The following ARHGAP35 variants were observed in gnomAD, a reference collection of about 807,000 sequenced individuals.
ARHGAP35 encodes rho GTPase-activating protein 35.
ARHGAP35 carries 15 observed loss-of-function variants against 111.1 expected under a neutral mutation model. The observed-to-expected ratio is 0.13, with a 90% confidence interval of 0.09 to 0.21. The LOEUF is 0.21. Ranked by LOEUF, ARHGAP35 falls within the 10% of genes least tolerant of loss-of-function variation. The probability of loss-of-function intolerance (pLI) is 1.00; values close to 1 mark genes in which losing one functional copy is unlikely to be tolerated. For missense variants in ARHGAP35, 1,262 were observed against 1,873.0 expected, an observed-to-expected ratio of 0.67 and a Z score of 6.02; for synonymous variants, 643 against 710.3, an observed-to-expected ratio of 0.91 and a Z score of 1.51.
chr19:46,961,277 GCTAT>G (rs2056481044), intron 3 of ARHGAP35, among the ~76,000 whole-genome samples: 1 of 152,108 alleles, frequency 6.6e-6, no homozygotes. Context: ...TACTGCATTG[GCTAT>G]CTATACATGT....
intron 1 of ARHGAP35, among the ~76,000 whole-genome samples, chr19:46,906,230 G>T (rs1387345562): frequency 6.6e-6 from 1 of 152,104 alleles, no homozygotes; most frequent in Non-Finnish European, 1.5e-5. Context: ...GATTGCTTGA[G>T]CCCAGGAGAT....
At chr19:46,885,528 C>T (rs577390475) in intron 1 of ARHGAP35, among the ~76,000 whole-genome samples, 9 of 152,216 alleles carry the variant, frequency 5.9e-5, no homozygotes, top group South Asian at 2.1e-4. Context: ...GCCCACCTCC[C>T]TCCTCTCTCT....
rs1459572382 is a variant in ARHGAP35 at position 46,919,902 on chromosome 19, C to T, written c.1227C>T (p.Thr409=). The change falls in exon 2 of 7, where the codon ACC becomes ACT. Residue 409 remains threonine (T), a synonymous_variant. Coordinates refer to ENST00000672722, the MANE Select transcript of ARHGAP35 (RefSeq NM_004491.5). This position sits in a 1 kb window ranked among gnomAD's most constrained non-coding sequence, Gnocchi z 6.2. ...GGATTCCCTTTGATTTAATGGATAC[C>T]GTCCCTGCAGAGCAGCTATACGAGG... ...NERIPFDLMD[T]VPAEQLYEAH... 5 of 1,613,918 alleles carry T rather than the reference C, an allele frequency of 3.1e-6. No individual in the cohort carries two copies. Among genetic ancestry groups the T allele is most frequent in the Non-Finnish European group, 2.5e-6 (3 of 1,179,874 alleles).
intron 1 of ARHGAP35, among the ~76,000 whole-genome samples, chr19:46,895,723 T>G (rs988933637): frequency 6.6e-5 from 10 of 152,158 alleles, no homozygotes; most frequent in African/African-American, 2.4e-4. Flanking sequence ...ATCCTCTGAC[T>G]TTGGGCAAAT....
Position 46,999,463 on chromosome 19 carries a change from G to A in ARHGAP35, c.4142+54G>A. ...TTCCTCCTGAAAATTGACAGCCAGG[G>A]TCAGTGTGTCGCAGAACAAGGCTCT... On this transcript the variant is annotated intron_variant, in intron 6 of 6. Transcript: ENST00000672722. This position sits in a 1 kb window ranked among gnomAD's most constrained non-coding sequence, Gnocchi z 5.4. 8.5e-7 allele frequency: 1 copy of A among 1,173,608 alleles called. No homozygotes were observed. Among genetic ancestry groups the A allele is most frequent in the Non-Finnish European group, 1.2e-6 (1 of 806,390 alleles). 72.7% of individuals were successfully genotyped at this position (1,173,608 alleles called of 1,614,324 possible).
intron 1 of ARHGAP35, among the ~76,000 whole-genome samples, chr19:46,869,239 A>G (rs1490918159): frequency 1.3e-5 from 2 of 151,990 alleles, no homozygotes; most frequent in Non-Finnish European, 2.9e-5. Context: ...TTTGCATTTT[A>G]AAAAAATGTT....
chr19:47,001,177 G>A lies in ARHGAP35; in HGVS notation c.*489G>A. The A allele has an allele frequency of 8.1e-7, 1 of 1,241,148 alleles. No homozygotes were observed. Among genetic ancestry groups the A allele is most frequent in the Non-Finnish European group, 1.0e-6 (1 of 967,314 alleles). The allele number at this position is 1,241,148 out of a possible 1,614,324, so 76.9% of individuals were successfully genotyped here. On this transcript the variant is annotated 3_prime_UTR_variant, in exon 7 of 7. Coordinates refer to ENST00000672722, the MANE Select transcript of ARHGAP35 (RefSeq NM_004491.5). This position sits in a 1 kb window ranked among gnomAD's most constrained non-coding sequence, Gnocchi z 5.4. ...ACCCCCAAGGTAAGGGTACAGCCCG[G>A]CTGGCGGCCTCCTTGGGAACGTGTA...
chr19:46,872,116 T>C (rs1014590781), intron 1 of ARHGAP35, among the ~76,000 whole-genome samples: 1 of 152,172 alleles, frequency 6.6e-6, no homozygotes, highest in Non-Finnish European at 1.5e-5. Flanking sequence ...GTTTTAACCT[T>C]AGGGGAATGG....
intron 3 of ARHGAP35, among the ~76,000 whole-genome samples, chr19:46,978,705 A>ATGTGTGTGTGTGGTGGGG: frequency 4.6e-5 from 1 of 21,610 alleles, no homozygotes; most frequent in South Asian, 1.5e-3. Flanking sequence ...GTGGTGGGGC[A>ATGTGTGTGTGTGGTGGGG]TGTGTGTGGT....
chr19:46,942,624 A>G (rs2056354774), intron 3 of ARHGAP35, among the ~76,000 whole-genome samples: 1 of 152,008 alleles, frequency 6.6e-6, no homozygotes, highest in Non-Finnish European at 1.5e-5. Flanking sequence ...GCGACAAAGT[A>G]AGACTCTGTC....
chr19:46,997,874 G>A (rs1191739023), intron 5 of ARHGAP35: 2 of 152,254 alleles, frequency 1.3e-5, no homozygotes, highest in African/African-American at 4.8e-5. Flanking sequence ...AGGCTCAGGT[G>A]GGTGGATCAC....
At position 46,861,934 on chromosome 19, in the gene ARHGAP35, G is replaced by A. The variant is rs998956323; in HGVS notation, c.-189+725G>A. Among the ~76,000 whole-genome samples, 4 of 151,854 alleles carry A rather than the reference G, an allele frequency of 2.6e-5. No homozygotes were observed. The South Asian group carries it at 8.3e-4, about 32-fold the overall frequency. Reference sequence around the variant, plus strand: ...GCCCTACTACCCGCATTTCTTGTCTGCCCTCTCGCAGAGCCTGCTGCACCC... The same window carrying A: ...GCCCTACTACCCGCATTTCTTGTCTACCCTCTCGCAGAGCCTGCTGCACCC... On this transcript the variant is annotated intron_variant, in intron 1 of 6. Transcript: ENST00000672722.
chr19:46,861,719 G>C (rs186720609), intron 1 of ARHGAP35, among the ~76,000 whole-genome samples: 4 of 152,104 alleles, frequency 2.6e-5, no homozygotes, highest in African/African-American at 4.8e-5. Context: ...CCACCCTTCA[G>C]ATCTGTCCTC....
intron 1 of ARHGAP35, among the ~76,000 whole-genome samples, chr19:46,862,210 C>G (rs527240109): frequency 2.0e-5 from 3 of 152,100 alleles, no homozygotes; most frequent in Non-Finnish European, 4.4e-5. Context: ...GCCTCCTCCC[C>G]CTTCTCTGAC....
Position 46,959,549 on chromosome 19 carries a change from G to A in ARHGAP35, c.3826+22141G>A, listed in dbSNP as rs1321301589. ...CAAGTAGCTGGGATTACAGGCACCCGCTACTACGCCCAGCTGATTTTTGTA... is the reference window on the plus strand; with the variant it reads ...CAAGTAGCTGGGATTACAGGCACCCACTACTACGCCCAGCTGATTTTTGTA... On this transcript the variant is annotated intron_variant, in intron 3 of 6. Coordinates refer to ENST00000672722, the MANE Select transcript of ARHGAP35 (RefSeq NM_004491.5). Among the ~76,000 whole-genome samples, 4 of 151,458 alleles carry A rather than the reference G, an allele frequency of 2.6e-5. No homozygotes were observed. The South Asian group carries it at 6.2e-4, about 24-fold the overall frequency.
intron 1 of ARHGAP35, among the ~76,000 whole-genome samples, chr19:46,907,259 G>C (rs1018358132): frequency 6.6e-6 from 1 of 152,006 alleles, no homozygotes; most frequent in Admixed American, 6.6e-5. Context: ...CCATTCTCCT[G>C]CCTCAGCCTC....
chr19:46,937,130 G>A (rs890962323), intron 2 of ARHGAP35, 134 bp from the exon 3 acceptor site: 47 of 1,126,792 alleles, frequency 4.2e-5, no homozygotes, highest in African/African-American at 1.1e-4. Flanking sequence ...ATGAGTCACC[G>A]TATCCAGCCA....
intron 3 of ARHGAP35, among the ~76,000 whole-genome samples, chr19:46,970,143 A>G (rs1055138301): frequency 6.6e-6 from 1 of 152,160 alleles, no homozygotes. Context: ...TGCAGGGTGA[A>G]TTCTTGGGGC....
At chr19:46,978,491 G>A (rs2056591220) in intron 3 of ARHGAP35, among the ~76,000 whole-genome samples, 1 of 151,330 alleles carries the variant, frequency 6.6e-6, no homozygotes, top group Non-Finnish European at 1.5e-5. Context: ...TAGGATATGT[G>A]TGTGTGTGGT....
Sources: allele counts gnomAD v4.1 joint callset (sites outside exome capture counted in the v4.1 genomes callset), GRCh38; gene constraint gnomAD v4.1.1; non-coding constraint Gnocchi (gnomAD v3.1); transcripts MANE v1.5; gene names NCBI Gene and HGNC (gene_info 2026-07-23, HGNC 2026-07-21).